The following IMMP2L variants were observed in gnomAD, a reference collection of about 807,000 sequenced individuals.
The protein encoded by IMMP2L is mitochondrial inner membrane protease subunit 2.
Under a neutral mutation model 19.3 loss-of-function variants are expected in IMMP2L, and 18 were observed. That is an observed-to-expected ratio of 0.93 (90% CI 0.64 to 1.38). IMMP2L has a LOEUF of 1.38. Ranked by LOEUF, IMMP2L falls within the 40% of genes most tolerant of loss-of-function variation. IMMP2L has a pLI of 0.00. For missense variants in IMMP2L, 233 were observed against 218.2 expected, an observed-to-expected ratio of 1.07 and a Z score of -0.43; for synonymous variants, 76 against 73.0, an observed-to-expected ratio of 1.04 and a Z score of -0.21.
intron 3 of IMMP2L, among the ~76,000 whole-genome samples, chr7:111,112,095 A>C (rs1190347761): frequency 6.6e-6 from 1 of 151,268 alleles, no homozygotes; most frequent in Non-Finnish European, 1.5e-5. Context: ...TTACAGGCGC[A>C]TGCCACCACA....
chr7:110,729,772 G>A (rs865980492), intron 5 of IMMP2L, among the ~76,000 whole-genome samples: 5 of 152,146 alleles, frequency 3.3e-5, no homozygotes, highest in African/African-American at 7.2e-5. Flanking sequence ...CAGTGGTTCC[G>A]GGGGAGGGAG....
intron 3 of IMMP2L, among the ~76,000 whole-genome samples, chr7:111,219,031 G>A (rs547986648): frequency 6.6e-5 from 10 of 152,122 alleles, no homozygotes; most frequent in Non-Finnish European, 1.3e-4. Flanking sequence ...TTGTGAAGGA[G>A]TGAAAACAGG....
At chr7:111,040,533 T>C (rs1487157269) in intron 3 of IMMP2L, among the ~76,000 whole-genome samples, 3 of 151,534 alleles carry the variant, frequency 2.0e-5, no homozygotes, top group African/African-American at 7.3e-5. Flanking sequence ...TTTGATTGTA[T>C]ATCCTGAAAA....
Position 111,124,532 on chromosome 7 carries a change from C to G in IMMP2L, c.240-160967G>C, listed in dbSNP as rs757488561. Reference sequence around the variant, plus strand: ...AATCTTACTCATCTGAATCCATCAACTGAGTATAAAATTTGTATTGATATT... The same window carrying G: ...AATCTTACTCATCTGAATCCATCAAGTGAGTATAAAATTTGTATTGATATT... On this transcript the variant is annotated intron_variant, in intron 3 of 5. Coordinates refer to ENST00000405709, the MANE Select transcript of IMMP2L (RefSeq NM_032549.4). 3.7e-6 allele frequency: 6 copies of G among 1,612,944 alleles called. No individual in the cohort carries two copies. The East Asian group carries it at 1.3e-4, about 36-fold the overall frequency.
At chr7:111,349,664 G>A (rs1427483499) in intron 3 of IMMP2L, among the ~76,000 whole-genome samples, 2 of 152,100 alleles carry the variant, frequency 1.3e-5, no homozygotes, top group African/African-American at 2.4e-5. Context: ...AGCAAGGGGA[G>A]TAGAATGAAG....
rs551860526 is a variant in IMMP2L, at chr7:110,924,602, T to G, written c.306-37907A>C. ...TCACTAGGAAACAGGATTCTCAAGT[T>G]AGAGAAAAAATAAGTAGATAATTGG... On this transcript the variant is annotated intron_variant, in intron 4 of 5. Transcript: ENST00000405709. This position sits in a 1 kb window ranked among gnomAD's most constrained non-coding sequence, Gnocchi z 4.2. Among the ~76,000 whole-genome samples the G allele has an allele frequency of 6.6e-6, 1 of 152,290 alleles. No homozygotes were observed. The highest frequency in any genetic ancestry group is 2.4e-5 in the African/African-American group (1 of 41,576).
chr7:111,554,864 T>G lies in IMMP2L; in HGVS notation c.-3+6987A>C, dbSNP rs948874978. Among the ~76,000 whole-genome samples the G allele has an allele frequency of 5.9e-5, 9 of 152,142 alleles. No individual in the cohort carries two copies. In the South Asian group the frequency reaches 1.2e-3, roughly 21 times the overall value. Reference sequence around the variant, plus strand: ...CCTGACCTCTGGTGATCCACCCACCTCAGCCTCCCAAAGTACTGGTGCTGC... The same window carrying G: ...CCTGACCTCTGGTGATCCACCCACCGCAGCCTCCCAAAGTACTGGTGCTGC... On this transcript the variant is annotated intron_variant, in intron 1 of 5. Transcript: ENST00000405709.
chr7:111,540,812 C>T lies in IMMP2L; in HGVS notation c.-2-19363G>A, dbSNP rs563902774. 1.4e-4 allele frequency among the ~76,000 whole-genome samples: 21 copies of T among 152,204 alleles called. 1 individual carries two copies. Among genetic ancestry groups the T allele is most frequent in the South Asian group, 4.2e-4 (2 of 4,818 alleles). On this transcript the variant is annotated intron_variant, in intron 1 of 5. Transcript: ENST00000405709. Reference sequence around the variant, plus strand: ...TGTAGATATGGTTTATATTACCACCCGTTTACAATGTTGATAGTTTCATAT... The same window carrying T: ...TGTAGATATGGTTTATATTACCACCTGTTTACAATGTTGATAGTTTCATAT...
At chr7:111,157,216 C>T (rs1804737739) in intron 3 of IMMP2L, among the ~76,000 whole-genome samples, 1 of 152,048 alleles carries the variant, frequency 6.6e-6, no homozygotes, top group African/African-American at 2.4e-5. Flanking sequence ...CCAGTACTCC[C>T]ACTGCTGGGT....
intron 3 of IMMP2L, among the ~76,000 whole-genome samples, chr7:111,243,666 C>A (rs1227377604): frequency 6.6e-5 from 7 of 106,758 alleles, no homozygotes; most frequent in South Asian, 7.7e-4. Context: ...TCCCTCCCCC[C>A]TCCCCCGACC....
chr7:111,028,626 A>G (rs1827100796), intron 3 of IMMP2L, among the ~76,000 whole-genome samples: 1 of 152,174 alleles, frequency 6.6e-6, no homozygotes, highest in Non-Finnish European at 1.5e-5. Flanking sequence ...CTAAAAAAAT[A>G]AACTATGTTG....
At chr7:110,859,421 G>A (rs981025812) in intron 5 of IMMP2L, among the ~76,000 whole-genome samples, 1 of 151,762 alleles carries the variant, frequency 6.6e-6, no homozygotes, top group African/African-American at 2.4e-5. Context: ...AAAAAGTTTA[G>A]TACAAATATT....
intron 3 of IMMP2L, among the ~76,000 whole-genome samples, chr7:111,003,193 A>C (rs1376982135): frequency 6.6e-6 from 1 of 152,166 alleles, no homozygotes; most frequent in Admixed American, 6.5e-5. Flanking sequence ...AACTGTTATT[A>C]CTAATAATTT....
chr7:111,151,412 G>A (rs1240904084), intron 3 of IMMP2L, among the ~76,000 whole-genome samples: 2 of 152,036 alleles, frequency 1.3e-5, no homozygotes, highest in Non-Finnish European at 2.9e-5. Context: ...AAATTAACCT[G>A]GTTTCTTCAA....
chr7:110,817,654 A>G (rs1802651829), intron 5 of IMMP2L, among the ~76,000 whole-genome samples: 1 of 152,158 alleles, frequency 6.6e-6, no homozygotes, highest in South Asian at 2.1e-4. Flanking sequence ...CGCATAGCCA[A>G]GTCAATCCTA....
chr7:110,862,201 C>T (rs913817310), intron 5 of IMMP2L, among the ~76,000 whole-genome samples: 2 of 151,154 alleles, frequency 1.3e-5, no homozygotes, highest in South Asian at 4.2e-4. Context: ...TTAGAGAAGA[C>T]TTTTAAAGTC....
intron 3 of IMMP2L, among the ~76,000 whole-genome samples, chr7:111,217,711 T>C (rs868202514): frequency 6.6e-6 from 1 of 152,066 alleles, no homozygotes; most frequent in South Asian, 2.1e-4. Context: ...CAAATTACAA[T>C]AGTTTCAGGT....
At chr7:111,144,313 C>T (rs1042977850) in intron 3 of IMMP2L, among the ~76,000 whole-genome samples, 1 of 152,110 alleles carries the variant, frequency 6.6e-6, no homozygotes, top group African/African-American at 2.4e-5. Context: ...ATGTCTACCT[C>T]ACAGGAATAG....
intron 3 of IMMP2L, among the ~76,000 whole-genome samples, chr7:111,101,608 T>A (rs1227211457): frequency 2.0e-5 from 3 of 151,378 alleles, no homozygotes; most frequent in African/African-American, 7.3e-5. Flanking sequence ...GTACAACAGG[T>A]ACAATAGGTA....
Sources: gnomAD v4.1 joint callset for allele counts (sites outside exome capture counted in the v4.1 genomes callset) on GRCh38, gnomAD v4.1.1 for gene constraint, Gnocchi (gnomAD v3.1) non-coding constraint, MANE v1.5 for transcripts, NCBI Gene and HGNC (gene_info 2026-07-23, HGNC 2026-07-21) for gene names.